The following ARHGAP15 variants were observed in gnomAD, a reference collection of about 807,000 sequenced individuals.
ARHGAP15 encodes the protein Rho GTPase activating protein 15.
In ARHGAP15, 51 loss-of-function variants were observed where a neutral mutation model predicts 63.7. The observed-to-expected ratio is 0.80, with a 90% confidence interval of 0.64 to 1.01. The LOEUF is 1.01. ARHGAP15 is among the 50% of genes least tolerant of loss of function. The probability of loss-of-function intolerance (pLI) is 0.00; values close to 1 mark genes in which losing one functional copy is unlikely to be tolerated. For synonymous variants in ARHGAP15, 191 were observed against 193.8 expected (o/e 0.99, Z 0.12); for missense variants, 560 against 564.6 (o/e 0.99, Z 0.08).
intron 6 of ARHGAP15, among the ~76,000 whole-genome samples, chr2:143,256,685 T>A (rs1273162850): frequency 6.6e-6 from 1 of 151,988 alleles, no homozygotes; most frequent in Non-Finnish European, 1.5e-5. Context: ...GAAAGAGATA[T>A]GATTATTTGT....
chr2:143,397,568 CGAAGAAG>C (rs1214650438), intron 6 of ARHGAP15, among the ~76,000 whole-genome samples: 6 of 150,730 alleles, frequency 4.0e-5, no homozygotes, highest in African/African-American at 1.5e-4. Context: ...CAAAAAAAAA[CGAAGAAG>C]AAATAAAATA....
Position 143,263,907 on chromosome 2 carries a change from C to CTTTTTTTTTTT in ARHGAP15, c.474+13333_474+13343dup, listed in dbSNP as rs373296096. On this transcript the variant is annotated intron_variant, in intron 6 of 13. Coordinates refer to ENST00000295095, the MANE Select transcript of ARHGAP15 (RefSeq NM_018460.4). Reference sequence around the variant, plus strand: ...GGTGGGTCTACGGTGAAGCTGCAGTCTTTTTTTTTTTTTTTTTTTTTTTTT... The same window carrying CTTTTTTTTTTT: ...GGTGGGTCTACGGTGAAGCTGCAGTCTTTTTTTTTTTTTTTTTTTTTTTTTTTTTTTTTTTT... Among the ~76,000 whole-genome samples the CTTTTTTTTTTT allele has an allele frequency of 2.9e-4, 11 of 38,450 alleles. 2 individuals carry two copies. Among genetic ancestry groups the CTTTTTTTTTTT allele is most frequent in the African/African-American group, 6.9e-4 (11 of 16,004 alleles). The allele number at this position is 38,450 out of a possible 152,430, so 25.2% of individuals were successfully genotyped here. A position where few individuals can be genotyped will look rare whatever the true frequency, so the allele number is the denominator to read the frequency against.
intron 13 of ARHGAP15, among the ~76,000 whole-genome samples, chr2:143,737,766 A>T (rs1019460382): frequency 8.0e-6 from 1 of 125,050 alleles, no homozygotes; most frequent in Non-Finnish European, 1.8e-5. Context: ...TTATTTATTT[A>T]TTTTTTGAGA....
chr2:143,752,092 G>A (rs1405563528), intron 13 of ARHGAP15, among the ~76,000 whole-genome samples: 1 of 151,936 alleles, frequency 6.6e-6, no homozygotes, highest in African/African-American at 2.4e-5. Context: ...TCTCTGAGTC[G>A]GGCCCCCTTG....
chr2:143,311,040 T>C (rs974941723), intron 6 of ARHGAP15, among the ~76,000 whole-genome samples: 3 of 152,030 alleles, frequency 2.0e-5, no homozygotes, highest in African/African-American at 7.2e-5. Flanking sequence ...AGGGTTGTTA[T>C]TTTTTCTCAA....
intron 6 of ARHGAP15, among the ~76,000 whole-genome samples, chr2:143,324,858 G>T (rs546369289): frequency 6.6e-6 from 1 of 152,174 alleles, no homozygotes; most frequent in East Asian, 1.9e-4. Flanking sequence ...TCACTCTGTG[G>T]TAAACCTAAG....
At chr2:143,153,627 G>A (rs1310521709) in intron 1 of ARHGAP15, among the ~76,000 whole-genome samples, 1 of 151,796 alleles carries the variant, frequency 6.6e-6, no homozygotes, top group African/African-American at 2.4e-5. Context: ...CACAATCAAG[G>A]TAACAGACAT....
At chr2:143,341,383 T>C (rs1398428431) in intron 6 of ARHGAP15, among the ~76,000 whole-genome samples, 1 of 152,164 alleles carries the variant, frequency 6.6e-6, no homozygotes, top group Non-Finnish European at 1.5e-5. Flanking sequence ...ACTTTATAGG[T>C]GAAGCTAACA....
intron 8 of ARHGAP15, among the ~76,000 whole-genome samples, chr2:143,461,302 A>C (rs886958915): frequency 6.0e-5 from 9 of 151,056 alleles, no homozygotes; most frequent in African/African-American, 2.2e-4. Context: ...AAAAAAAAAA[A>C]AAAACAGAAC....
rs80344531 is a variant in ARHGAP15 at position 143,643,244 on chromosome 2, A to G, written c.1138+18977A>G. On this transcript the variant is annotated intron_variant, in intron 12 of 13. Coordinates refer to ENST00000295095, the MANE Select transcript of ARHGAP15 (RefSeq NM_018460.4). ...GGAAACCCCATTGTGATTTGGCACT[A>G]CATTTGGCTATCGCCCAAATATAAC... Among the ~76,000 whole-genome samples the G allele has an allele frequency of 4.3e-3, 662 of 152,206 alleles. 24 individuals carry two copies. The East Asian group carries it at 0.089, about 20-fold the overall frequency.
intron 12 of ARHGAP15, among the ~76,000 whole-genome samples, chr2:143,643,557 A>C (rs1053290236): frequency 1.6e-4 from 24 of 151,928 alleles, no homozygotes; most frequent in African/African-American, 5.8e-4. Flanking sequence ...CCTTTATGAT[A>C]ACCAGTGAAT....
At chr2:143,656,934 GGTGTGTGTGTGTGTGT>G (rs5834961) in intron 12 of ARHGAP15, among the ~76,000 whole-genome samples, 7 of 145,028 alleles carry the variant, frequency 4.8e-5, no homozygotes, top group East Asian at 2.1e-4. Flanking sequence ...CAAAGTTTCT[GGTGTGTGTGTGTGTGT>G]GTGTGTGTGT....
intron 11 of ARHGAP15, among the ~76,000 whole-genome samples, chr2:143,567,857 T>C (rs1696293182): frequency 6.6e-6 from 1 of 152,180 alleles, no homozygotes. Context: ...CTGGTCTTGC[T>C]ATGGCTTCAG....
chr2:143,164,964 TG>T (rs1690440203), intron 2 of ARHGAP15, among the ~76,000 whole-genome samples: 1 of 152,056 alleles, frequency 6.6e-6, no homozygotes, highest in Non-Finnish European at 1.5e-5. Flanking sequence ...AGTATAAATG[TG>T]TAAGTATCAA....
At chr2:143,274,356 T>C (rs890037307) in intron 6 of ARHGAP15, among the ~76,000 whole-genome samples, 10 of 152,216 alleles carry the variant, frequency 6.6e-5, no homozygotes, top group African/African-American at 2.2e-4. Context: ...CATTGTTACA[T>C]TAGAACTAGC....
chr2:143,363,314 A>C (rs1686143593), intron 6 of ARHGAP15, among the ~76,000 whole-genome samples: 1 of 152,010 alleles, frequency 6.6e-6, no homozygotes, highest in Non-Finnish European at 1.5e-5. Flanking sequence ...GCCAAGGAGG[A>C]GGATCACTTG....
intron 12 of ARHGAP15, among the ~76,000 whole-genome samples, chr2:143,677,398 C>T (rs915993459): frequency 5.3e-5 from 8 of 152,134 alleles, no homozygotes; most frequent in Middle Eastern, 3.2e-3. Context: ...TACTTGCATA[C>T]GGCTTTTCTG....
intron 6 of ARHGAP15, among the ~76,000 whole-genome samples, chr2:143,276,167 G>A (rs1681537171): frequency 6.6e-6 from 1 of 152,190 alleles, no homozygotes; most frequent in Non-Finnish European, 1.5e-5. Flanking sequence ...CAAGTGTTCA[G>A]TAAGCATGAA....
intron 6 of ARHGAP15, among the ~76,000 whole-genome samples, chr2:143,334,809 C>T (rs578120282): frequency 6.6e-6 from 1 of 152,284 alleles, no homozygotes; most frequent in South Asian, 2.1e-4. Context: ...ACTGCTTCAA[C>T]AGCCAGGCGT....
Sources: allele counts gnomAD v4.1 joint callset (sites outside exome capture counted in the v4.1 genomes callset), GRCh38; gene constraint gnomAD v4.1.1; transcripts MANE v1.5; gene names NCBI Gene and HGNC (gene_info 2026-07-23, HGNC 2026-07-21).